The following TMEM132B variants were observed in gnomAD, a reference collection of about 807,000 sequenced individuals.
TMEM132B encodes the protein transmembrane protein 132B.
Under a neutral mutation model 90.8 loss-of-function variants are expected in TMEM132B, and 18 were observed. The observed-to-expected ratio is 0.20, with a 90% CI of 0.14 to 0.29. TMEM132B has a LOEUF of 0.29. Among genes scored for constraint, TMEM132B ranks in the 10% least tolerant of loss-of-function variants. The pLI, the probability that TMEM132B is intolerant of heterozygous loss-of-function variation, is 1.00. For synonymous variants in TMEM132B, 504 were observed against 523.3 expected, an observed-to-expected ratio of 0.96 and a Z score of 0.50; for missense variants, 1,096 against 1,326.8, an observed-to-expected ratio of 0.83 and a Z score of 2.70.
intron 5 of TMEM132B, among the ~76,000 whole-genome samples, chr12:125,624,884 T>G (rs1209460798): frequency 6.6e-6 from 1 of 152,130 alleles, no homozygotes; most frequent in African/African-American, 2.4e-5. Flanking sequence ...CAGAGTAAAA[T>G]GTGCTTTTTG....
chr12:125,386,100 C>T (rs1189738178), intron 2 of TMEM132B, among the ~76,000 whole-genome samples: 1 of 152,118 alleles, frequency 6.6e-6, no homozygotes, highest in Admixed American at 6.5e-5. Flanking sequence ...TCAGGTGATT[C>T]TCCCAGCCTC....
intron 3 of TMEM132B, among the ~76,000 whole-genome samples, chr12:125,494,281 C>CCTCCTCCCCCTCCTCCCTGGAAATGG: frequency 7.1e-6 from 1 of 140,620 alleles, no homozygotes; most frequent in Non-Finnish European, 1.5e-5. Context: ...TGGCTGCATC[C>CCTCCTCCCCCTCCTCCCTGGAAATGG]CTCCTCCCCC....
At chr12:125,217,831 T>G (rs566393235) in intron 1 of TMEM132B, among the ~76,000 whole-genome samples, 1 of 152,342 alleles carries the variant, frequency 6.6e-6, no homozygotes, top group East Asian at 1.9e-4. Flanking sequence ...ACCCAGCAAT[T>G]GCGCACTGAG....
intron 3 of TMEM132B, among the ~76,000 whole-genome samples, chr12:125,518,409 C>T (rs983733689): frequency 6.6e-6 from 1 of 152,142 alleles, no homozygotes; most frequent in Non-Finnish European, 1.5e-5. Flanking sequence ...CTACATTGGT[C>T]CTAGGAGGCT....
At chr12:125,396,990 G>A (rs1363890600) in intron 2 of TMEM132B, among the ~76,000 whole-genome samples, 1 of 139,178 alleles carries the variant, frequency 7.2e-6, no homozygotes, top group African/African-American at 3.0e-5. Context: ...TTTTTTTTTT[G>A]AGACAGAGCC....
chr12:125,598,148 G>A (rs1010158690), intron 5 of TMEM132B, among the ~76,000 whole-genome samples: 2 of 152,080 alleles, frequency 1.3e-5, no homozygotes, highest in African/African-American at 2.4e-5. Context: ...TAGAAATGTC[G>A]ATAGCACTGC....
In TMEM132B at chr12:125,281,805, G is replaced by C. The variant is rs963635308; in HGVS notation, c.68-67647G>C. Among the ~76,000 whole-genome samples, 4 of 152,062 alleles carry C rather than the reference G, an allele frequency of 2.6e-5. No homozygotes were observed. In the South Asian group the frequency reaches 6.2e-4, roughly 24 times the overall value. ...GCACTTTGGGAGGCCGAGGTGGGCG[G>C]ATCACGAGGTCAGGAGATCGAGACC... On this transcript the variant is annotated intron_variant, in intron 1 of 8. Coordinates refer to ENST00000682704, the MANE Select transcript of TMEM132B (RefSeq NM_001366854.1).
rs143753838 is a variant in TMEM132B, at chr12:125,614,159, A to G, written c.1438-29917A>G. 7.2e-5 allele frequency among the ~76,000 whole-genome samples: 11 copies of G among 152,320 alleles called. No individual in the cohort carries two copies. The East Asian group carries it at 1.5e-3, about 21-fold the overall frequency. On this transcript the variant is annotated intron_variant, in intron 5 of 8. Transcript: ENST00000682704. ...ACATTTTTTTTAGAAATGTGAGTACATGTGCATATTTTTTACATGGGAATA... is the reference window on the plus strand; with the variant it reads ...ACATTTTTTTTAGAAATGTGAGTACGTGTGCATATTTTTTACATGGGAATA...
intron 2 of TMEM132B, among the ~76,000 whole-genome samples, chr12:125,356,892 C>G (rs534877597): frequency 6.6e-6 from 1 of 152,376 alleles, no homozygotes; most frequent in South Asian, 2.1e-4. Flanking sequence ...CACTGGGCCT[C>G]TTGCCCTGTC....
intron 1 of TMEM132B, among the ~76,000 whole-genome samples, chr12:125,322,330 T>C (rs1876451351): frequency 6.6e-6 from 1 of 152,244 alleles, no homozygotes; most frequent in Admixed American, 6.5e-5. Flanking sequence ...TTGTGAGGCC[T>C]CCCCAGCCAT....
At chr12:125,483,244 TA>T (rs764666712) in intron 3 of TMEM132B, among the ~76,000 whole-genome samples, 9 of 151,726 alleles carry the variant, frequency 5.9e-5, no homozygotes, top group African/African-American at 1.2e-4. Flanking sequence ...TAAAGTGTAA[TA>T]AAAAAAACAT....
intron 2 of TMEM132B, among the ~76,000 whole-genome samples, chr12:125,359,119 T>C (rs1157640206): frequency 6.6e-6 from 1 of 152,182 alleles, no homozygotes; most frequent in African/African-American, 2.4e-5. Context: ...ATCGAGCACA[T>C]GGCCCCCACA....
chr12:125,441,473 G>A (rs971046403), intron 3 of TMEM132B, among the ~76,000 whole-genome samples: 3 of 152,196 alleles, frequency 2.0e-5, no homozygotes, highest in Admixed American at 1.3e-4. Flanking sequence ...ACCAGTGAAA[G>A]GGCTTAGATT....
At chr12:125,644,949 G>A (rs1049044870) in intron 6 of TMEM132B, among the ~76,000 whole-genome samples, 2 of 152,108 alleles carry the variant, frequency 1.3e-5, no homozygotes, top group Non-Finnish European at 1.5e-5. Context: ...TTCTAAAGAC[G>A]ACTCTCGCCT....
rs370432358 is a variant in TMEM132B at position 125,583,627 on chromosome 12, G to A, written c.1294-224G>A. On this transcript the variant is annotated intron_variant, in intron 4 of 8. Transcript: ENST00000682704. ...AGAATGACCCTGCACCTGGGGACTGGGAAGACATTCCAACCAACCATCAGG... is the reference window on the plus strand; with the variant it reads ...AGAATGACCCTGCACCTGGGGACTGAGAAGACATTCCAACCAACCATCAGG... Among the ~76,000 whole-genome samples the A allele has an allele frequency of 1.1e-4, 16 of 152,248 alleles. No individual in the cohort carries two copies. In the East Asian group the frequency reaches 2.1e-3, roughly 20 times the overall value.
chr12:125,360,889 A>G (rs1204766815), intron 2 of TMEM132B, among the ~76,000 whole-genome samples: 1 of 148,650 alleles, frequency 6.7e-6, no homozygotes, highest in Non-Finnish European at 1.5e-5. Context: ...TGAAATCTCA[A>G]CTCCCCTCCT....
chr12:125,252,850 A>G (rs774591438), intron 1 of TMEM132B, among the ~76,000 whole-genome samples: 1 of 152,186 alleles, frequency 6.6e-6, no homozygotes, highest in Non-Finnish European at 1.5e-5. Context: ...TCGCTGGGGA[A>G]AAGCTCAAAT....
rs1157909969 is a variant in TMEM132B, at chr12:125,432,526, T to G, written c.1106+16849T>G. Reference sequence around the variant, plus strand: ...ATGTGTGTGTGTATATATATATATATATAGAGAGAGAGAGAGAGAGAGAGA... The same window carrying G: ...ATGTGTGTGTGTATATATATATATAGATAGAGAGAGAGAGAGAGAGAGAGA... On this transcript the variant is annotated intron_variant, in intron 3 of 8. Coordinates refer to ENST00000682704, the MANE Select transcript of TMEM132B (RefSeq NM_001366854.1). Among the ~76,000 whole-genome samples, 286 of 58,394 alleles carry G rather than the reference T, an allele frequency of 4.9e-3. 61 individuals are homozygous for G. Among genetic ancestry groups the G allele is most frequent in the Middle Eastern group, 0.044 (7 of 158 alleles). 38.3% of individuals were successfully genotyped at this position (58,394 alleles called of 152,430 possible).
Position 125,415,496 on chromosome 12 carries a change from A to G in TMEM132B, c.960-35A>G. ...ACCTGTTTCAAACTAAAATGGTTTT[A>G]TTATATATAATATCATTGTTTTCCC... On this transcript the variant is annotated intron_variant, in intron 2 of 8. Transcript: ENST00000682704. This position sits in a 1 kb window ranked among gnomAD's most constrained non-coding sequence, Gnocchi z 5.3. The G allele has an allele frequency of 1.2e-6, 2 of 1,609,462 alleles. No individual in the cohort carries two copies. Among genetic ancestry groups the G allele is most frequent in the Non-Finnish European group, 1.7e-6 (2 of 1,178,016 alleles).
Sources: allele counts gnomAD v4.1 joint callset (sites outside exome capture counted in the v4.1 genomes callset), GRCh38; gene constraint gnomAD v4.1.1; non-coding constraint Gnocchi (gnomAD v3.1); transcripts MANE v1.5; gene names NCBI Gene and HGNC (gene_info 2026-07-23, HGNC 2026-07-21).